Variants in UNC5D observed in about 807,000 individuals in gnomAD.
UNC5D encodes netrin receptor UNC5D.
Under a neutral mutation model 105.4 loss-of-function variants are expected in UNC5D, and 39 were observed. That is an observed-to-expected ratio of 0.37 (90% confidence interval 0.29 to 0.48). The LOEUF is 0.48. Ranked by LOEUF, UNC5D falls within the 20% of genes least tolerant of loss-of-function variation. The pLI, the probability that UNC5D is intolerant of heterozygous loss-of-function variation, is 0.98. For missense variants in UNC5D, 991 were observed against 1,202.4 expected, an observed-to-expected ratio of 0.82 and a Z score of 2.60; for synonymous variants, 452 against 450.4, an observed-to-expected ratio of 1.00 and a Z score of -0.04.
chr8:35,319,388 G>C (rs926234778), intron 1 of UNC5D, among the ~76,000 whole-genome samples: 2 of 152,110 alleles, frequency 1.3e-5, no homozygotes, highest in East Asian at 3.9e-4. Context: ...GAACAGCCAA[G>C]ATTCTTTAAG....
intron 3 of UNC5D, among the ~76,000 whole-genome samples, chr8:35,572,952 C>T (rs994084610): frequency 2.6e-5 from 4 of 151,982 alleles, no homozygotes; most frequent in Admixed American, 6.6e-5. Flanking sequence ...TACAGGCGCC[C>T]GCCACCACGC....
intron 14 of UNC5D, among the ~76,000 whole-genome samples, chr8:35,765,438 T>G (rs562919113): frequency 1.3e-5 from 2 of 152,306 alleles, no homozygotes; most frequent in Admixed American, 1.3e-4. Context: ...TTCTTTTGGT[T>G]CAGGATTAAT....
chr8:35,245,038 T>C (rs1343318291), intron 1 of UNC5D, among the ~76,000 whole-genome samples: 2 of 152,044 alleles, frequency 1.3e-5, no homozygotes, highest in Non-Finnish European at 2.9e-5. Flanking sequence ...ATTAAATAAA[T>C]ATGCCATTAG....
intron 1 of UNC5D, among the ~76,000 whole-genome samples, chr8:35,439,796 T>C (rs772174645): frequency 2.0e-5 from 3 of 152,062 alleles, no homozygotes; most frequent in Non-Finnish European, 4.4e-5. Flanking sequence ...ATCTTCTAAA[T>C]ATGGAAAGTC....
chr8:35,565,116 G>A (rs1457543906), intron 2 of UNC5D, among the ~76,000 whole-genome samples: 1 of 152,152 alleles, frequency 6.6e-6, no homozygotes, highest in African/African-American at 2.4e-5. Flanking sequence ...CCAGTAGTGG[G>A]ATTACTGGAT....
intron 4 of UNC5D, among the ~76,000 whole-genome samples, chr8:35,655,203 A>G (rs996951499): frequency 2.6e-5 from 4 of 152,226 alleles, no homozygotes; most frequent in Admixed American, 2.6e-4. Flanking sequence ...TGCTCAAGCT[A>G]TCATTCTCTC....
At chr8:35,254,285 A>G (rs1473574041) in intron 1 of UNC5D, 18 of 152,182 alleles carry the variant, frequency 1.2e-4, no homozygotes. Context: ...AAATTACCTG[A>G]CCACTCCCAT....
intron 4 of UNC5D, among the ~76,000 whole-genome samples, chr8:35,645,697 T>C (rs1328291677): frequency 2.0e-5 from 3 of 152,070 alleles, no homozygotes; most frequent in Non-Finnish European, 4.4e-5. Context: ...TGCTTTCAAG[T>C]AGATATAGGC....
At chr8:35,533,064 A>G (rs1285357103) in intron 1 of UNC5D, among the ~76,000 whole-genome samples, 1 of 150,850 alleles carries the variant, frequency 6.6e-6, no homozygotes, top group East Asian at 1.9e-4. Flanking sequence ...GTCATTCTCC[A>G]TCCAGCTTTG....
intron 1 of UNC5D, among the ~76,000 whole-genome samples, chr8:35,521,923 G>A (rs1413923456): frequency 3.3e-5 from 5 of 152,248 alleles, no homozygotes; most frequent in Non-Finnish European, 7.4e-5. Context: ...CTATAGCCCA[G>A]CCTTAATCAG....
At chr8:35,652,653 C>G (rs943260343) in intron 4 of UNC5D, among the ~76,000 whole-genome samples, 9 of 151,544 alleles carry the variant, frequency 5.9e-5, no homozygotes, top group Admixed American at 2.0e-4. Context: ...TTATCACTCA[C>G]TCCACCCCTA....
In UNC5D at chr8:35,238,237, C is replaced by CT. The variant is rs959941839; in HGVS notation, c.103+2360dup. 2.1e-4 allele frequency among the ~76,000 whole-genome samples: 32 copies of CT among 150,466 alleles called. No homozygotes were observed. The East Asian group carries it at 2.3e-3, about 11-fold the overall frequency. On this transcript the variant is annotated intron_variant, in intron 1 of 16. Coordinates refer to ENST00000404895, the MANE Select transcript of UNC5D (RefSeq NM_080872.4). Reference sequence around the variant, plus strand: ...TCTGTTTCCAAAATGATTGCACCAACTTTTTTTTTTCTTTCCTTTCCCTCC... The same window carrying CT: ...TCTGTTTCCAAAATGATTGCACCAACTTTTTTTTTTTCTTTCCTTTCCCTCC...
At chr8:35,663,574 G>C (rs1394441017) in intron 4 of UNC5D, among the ~76,000 whole-genome samples, 1 of 152,176 alleles carries the variant, frequency 6.6e-6, no homozygotes, top group African/African-American at 2.4e-5. Flanking sequence ...GGTGCTGGTG[G>C]TGGCGGGAGG....
intron 7 of UNC5D, among the ~76,000 whole-genome samples, chr8:35,705,419 C>T (rs567693548): frequency 2.0e-5 from 3 of 152,290 alleles, no homozygotes; most frequent in Admixed American, 6.5e-5. Flanking sequence ...ACAAAACTAA[C>T]GTGTTCACCG....
At chr8:35,251,349 G>A (rs967656724) in intron 1 of UNC5D, among the ~76,000 whole-genome samples, 3 of 152,056 alleles carry the variant, frequency 2.0e-5, no homozygotes, top group South Asian at 2.1e-4. Flanking sequence ...TAAAACCATC[G>A]GATCTCATGA....
At chr8:35,252,292 T>C (rs943552668) in intron 1 of UNC5D, among the ~76,000 whole-genome samples, 3 of 152,192 alleles carry the variant, frequency 2.0e-5, no homozygotes, top group African/African-American at 7.2e-5. Context: ...TGAAAATGTA[T>C]ATCTATGAAC....
At chr8:35,246,684 TCA>T (rs1481389509) in intron 1 of UNC5D, among the ~76,000 whole-genome samples, 1 of 152,146 alleles carries the variant, frequency 6.6e-6, no homozygotes, top group African/African-American at 2.4e-5. Context: ...CCAGCAAAAC[TCA>T]CAAGATATGG....
intron 4 of UNC5D, among the ~76,000 whole-genome samples, chr8:35,615,485 C>A (rs1820977417): frequency 6.6e-6 from 1 of 152,012 alleles, no homozygotes; most frequent in African/African-American, 2.4e-5. Context: ...CCAGGTGACG[C>A]TGATCTCTCT....
At chr8:35,471,145 A>T (rs1809692996) in intron 1 of UNC5D, among the ~76,000 whole-genome samples, 1 of 152,072 alleles carries the variant, frequency 6.6e-6, no homozygotes, top group African/African-American at 2.4e-5. Context: ...CTTGAGAAGG[A>T]ATATTCTGTG....
Sources: allele counts gnomAD v4.1 joint callset (sites outside exome capture counted in the v4.1 genomes callset), GRCh38; gene constraint gnomAD v4.1.1; transcripts MANE v1.5; gene names NCBI Gene and HGNC (gene_info 2026-07-23, HGNC 2026-07-21).